Variants in NECAB2 observed in about 807,000 individuals in gnomAD.
The protein encoded by NECAB2 is N-terminal EF-hand calcium binding protein 2.
A neutral mutation model predicts 51.9 loss-of-function variants in NECAB2; 68 were observed. The observed-to-expected ratio is 1.31, with a 90% CI of 1.08 to 1.60. NECAB2 has a LOEUF of 1.60. Ranked by LOEUF, NECAB2 falls within the 40% of genes most tolerant of loss-of-function variation. The pLI, the probability that NECAB2 is intolerant of heterozygous loss-of-function variation, is 0.00. For missense variants in NECAB2, 854 were observed against 490.3 expected, an observed-to-expected ratio of 1.74 and a Z score of -7.00; for synonymous variants, 329 against 203.5, an observed-to-expected ratio of 1.62 and a Z score of -5.25.
At chr16:83,999,946 G>A (rs996567239) in intron 10 of NECAB2, among the ~76,000 whole-genome samples, 1 of 152,214 alleles carries the variant, frequency 6.6e-6, no homozygotes, top group Non-Finnish European at 1.5e-5. Flanking sequence ...GTGTGTAGTA[G>A]TGGAAGCTCA....
rs775987148 is a variant in NECAB2 at position 83,998,262 on chromosome 16, C to G, written c.907C>G (p.Leu303Val). 8 of 1,613,290 alleles carry G rather than the reference C, an allele frequency of 5.0e-6. 1 individual carries two copies. In the South Asian group the frequency reaches 6.6e-5, roughly 13 times the overall value. Residue 303 changes from leucine (L) to valine (V), a missense_variant, in exon 10 of 13, where the codon CTG becomes GTG. Physicochemically the swap from Leu to Val is conservative, Grantham distance 32. Transcript: ENST00000305202. ...AVCPEQLSEF[L>V]DSLRQYLRGT... ...GTGCCCCGAGCAACTGAGCGAGTTT[C>G]TGGACTCTCTGCGCCAGTATCTGCG...
rs768369002 is a variant in NECAB2 at position 84,000,705 on chromosome 16, C to CTA, written c.963-19_963-18insTA. The CTA allele has an allele frequency of 1.2e-6, 2 of 1,612,738 alleles. No individual in the cohort carries two copies. The highest frequency in any genetic ancestry group is 2.2e-5 in the South Asian group (2 of 91,030). On this transcript the variant is annotated intron_variant, in intron 10 of 12. Coordinates refer to ENST00000305202, the MANE Select transcript of NECAB2 (RefSeq NM_019065.3). ...TGGTTGAGCTCCAGCCTCCTCCCCC[C>CTA]GACCATCTCCTGTTGCAGCATCACT...
chr16:83,969,879 C>G (rs1313519283), intron 1 of NECAB2, among the ~76,000 whole-genome samples: 2 of 152,170 alleles, frequency 1.3e-5, no homozygotes, highest in African/African-American at 4.8e-5. Flanking sequence ...CGGGGGATTC[C>G]CTCCCTTCCT....
Position 84,000,773 on chromosome 16 carries a change from T to A in NECAB2, c.1012T>A (p.Phe338Ile), listed in dbSNP as rs778969912. 1 of 1,613,660 alleles carries A rather than the reference T, an allele frequency of 6.2e-7. No individual in the cohort carries two copies. Among genetic ancestry groups the A allele is most frequent in the African/African-American group, 1.3e-5 (1 of 74,874 alleles). Residue 338 changes from phenylalanine (F) to isoleucine (I), a missense_variant, in exon 11 of 13, where the codon TTC (phenylalanine) becomes ATC (isoleucine). Coordinates refer to ENST00000305202, the MANE Select transcript of NECAB2 (RefSeq NM_019065.3). ...SDGFTFVIYE[F>I]WETEEAWKRH... ...TGGCTTCACCTTTGTCATCTATGAG[T>A]TCTGGGAGACAGAGGAGGCGTGGAA...
At chr16:83,985,601 C>G (rs2084543248) in intron 5 of NECAB2, among the ~76,000 whole-genome samples, 1 of 151,614 alleles carries the variant, frequency 6.6e-6, no homozygotes, top group African/African-American at 2.4e-5. Context: ...CCACTGCACT[C>G]CAGCCTGGGC....
At chr16:83,966,914 T>C (rs1007004281), upstream of NECAB2, among the ~76,000 whole-genome samples, 1 of 152,206 alleles carries the variant, frequency 6.6e-6, no homozygotes, top group Admixed American at 6.5e-5. Context: ...TCTCATTTTG[T>C]CACCCAGGCT....
chr16:83,975,126 GT>G (rs2084393358), intron 2 of NECAB2, among the ~76,000 whole-genome samples: 1 of 141,692 alleles, frequency 7.1e-6, no homozygotes, highest in African/African-American at 2.7e-5. Context: ...GTGCAGGGAG[GT>G]GTGCAGGGAT....
rs2084852002 is a variant in NECAB2 at position 84,002,244 on chromosome 16, CAAG to C, written c.1133-72_1133-70del. 7 of 1,559,274 alleles carry C rather than the reference CAAG, an allele frequency of 4.5e-6. No individual in the cohort carries two copies. In the South Asian group the frequency reaches 7.8e-5, roughly 17 times the overall value. On this transcript the variant is annotated intron_variant, in intron 12 of 12. Transcript: ENST00000305202. Reference sequence around the variant, plus strand: ...CAAAGCCATCCCCCGACCTGTCATTCAAGACGACCACCACCAGCTACGAGGCTG... The same window carrying C: ...CAAAGCCATCCCCCGACCTGTCATTCACGACCACCACCAGCTACGAGGCTG...
intron 8 of NECAB2, among the ~76,000 whole-genome samples, chr16:83,995,173 G>C (rs1261890997): frequency 6.6e-6 from 1 of 152,218 alleles, no homozygotes; most frequent in African/African-American, 2.4e-5. Flanking sequence ...ATAGAAAATG[G>C]CACAGCCCTT....
At chr16:83,997,815 C>CA (rs1360233655) in intron 9 of NECAB2, among the ~76,000 whole-genome samples, 7 of 151,938 alleles carry the variant, frequency 4.6e-5, no homozygotes, top group Admixed American at 1.3e-4. Flanking sequence ...GACTTTGATC[C>CA]AAAAAAGGTT....
chr16:83,996,193 C>T (rs1328796849), intron 8 of NECAB2, among the ~76,000 whole-genome samples: 1 of 152,200 alleles, frequency 6.6e-6, no homozygotes, highest in African/African-American at 2.4e-5. Flanking sequence ...CAGTGCCTCT[C>T]CTCATCCTCC....
intron 2 of NECAB2, among the ~76,000 whole-genome samples, chr16:83,972,835 C>T (rs902679181): frequency 6.6e-6 from 1 of 152,208 alleles, no homozygotes; most frequent in African/African-American, 2.4e-5. Flanking sequence ...AGAAGGAGCC[C>T]AGGCCTTGAG....
chr16:83,996,229 C>G (rs2084696577), intron 8 of NECAB2, among the ~76,000 whole-genome samples: 1 of 152,196 alleles, frequency 6.6e-6, no homozygotes, highest in Non-Finnish European at 1.5e-5. Flanking sequence ...CCCAGGACCC[C>G]TCACGTATGC....
chr16:84,001,421 G>A (rs535126759), intron 11 of NECAB2, among the ~76,000 whole-genome samples: 13 of 152,268 alleles, frequency 8.5e-5, no homozygotes, highest in African/African-American at 2.6e-4. Context: ...GTGGGAACAG[G>A]GGCGGTCATG....
At chr16:83,997,391 A>C (rs924320675) in intron 9 of NECAB2, 122 bp downstream of exon 9, 2 of 1,128,886 alleles carry the variant, frequency 1.8e-6, no homozygotes, top group African/African-American at 3.2e-5. Flanking sequence ...AGGAGGGGAG[A>C]TGTCGCCCAG....
At chr16:83,987,240 ATTCT>A (rs1270483550) in intron 5 of NECAB2, among the ~76,000 whole-genome samples, 10 of 152,344 alleles carry the variant, frequency 6.6e-5, no homozygotes, top group Admixed American at 2.6e-4. Context: ...GACTTTGACT[ATTCT>A]TTCTAACAGT....
At chr16:83,971,799 T>A (rs1047941109) in intron 1 of NECAB2, 3 of 439,530 alleles carry the variant, frequency 6.8e-6, no homozygotes, top group African/African-American at 6.0e-5. Flanking sequence ...GGAGTGTGGT[T>A]GTGTGCAGCT....
chr16:83,997,787 C>T (rs2084736281), intron 9 of NECAB2, among the ~76,000 whole-genome samples: 1 of 152,150 alleles, frequency 6.6e-6, no homozygotes, highest in African/African-American at 2.4e-5. Flanking sequence ...GCCACCACAC[C>T]TGGCCCAGAG....
chr16:83,985,362 C>T (rs550023098), intron 5 of NECAB2, among the ~76,000 whole-genome samples: 5 of 127,800 alleles, frequency 3.9e-5, no homozygotes, highest in South Asian at 2.8e-4. Flanking sequence ...CTGCTGGGTG[C>T]GGTGGCTCAC....
Sources: allele counts gnomAD v4.1 joint callset (sites outside exome capture counted in the v4.1 genomes callset), GRCh38; gene constraint gnomAD v4.1.1; transcripts MANE v1.5; gene names NCBI Gene and HGNC (gene_info 2026-07-23, HGNC 2026-07-21).